The following MAP4 variants were observed in gnomAD, a reference collection of about 807,000 sequenced individuals.
The protein encoded by MAP4 is microtubule associated protein 4, also known as microtubule-associated protein 4.
Under a neutral mutation model 170.2 loss-of-function variants are expected in MAP4, and 76 were observed. The ratio of observed to expected loss-of-function variants is 0.45; its 90% CI spans 0.37 to 0.54. The LOEUF is 0.54. MAP4 is among the 20% of genes least tolerant of loss of function. The pLI, the probability that MAP4 is intolerant of heterozygous loss-of-function variation, is 0.00. For synonymous variants in MAP4, 909 were observed against 994.5 expected (o/e 0.91, Z 1.62); for missense variants, 2,506 against 2,748.0 (o/e 0.91, Z 1.97).
At chr3:47,860,005 T>G (rs1385271999) in intron 17 of MAP4, among the ~76,000 whole-genome samples, 3 of 152,120 alleles carry the variant, frequency 2.0e-5, no homozygotes, top group Non-Finnish European at 4.4e-5. Context: ...TCCAAACATC[T>G]CCCTATCCTT....
intron 3 of MAP4, among the ~76,000 whole-genome samples, chr3:47,957,739 A>G (rs1423582358): frequency 6.6e-6 from 1 of 152,216 alleles, no homozygotes; most frequent in East Asian, 1.9e-4. Flanking sequence ...TAATTAAAAT[A>G]GGGAATTGAT....
Position 47,977,944 on chromosome 3 carries a change from G to A in MAP4, c.224-11C>T. On this transcript the variant is annotated splice_polypyrimidine_tract_variant and intron_variant, in intron 2 of 20. Transcript: ENST00000683076. Reference sequence around the variant, plus strand: ...TAGAAGATGGAGTATCTGCAACAATGACAAATAATTACCCATTGTGACAGA... The same window carrying A: ...TAGAAGATGGAGTATCTGCAACAATAACAAATAATTACCCATTGTGACAGA... 1 of 1,586,708 alleles carries A rather than the reference G, an allele frequency of 6.3e-7. No individual in the cohort carries two copies. Among genetic ancestry groups the A allele is most frequent in the Non-Finnish European group, 8.7e-7 (1 of 1,155,648 alleles).
In MAP4 at chr3:47,911,729, G is replaced by A; in HGVS notation, c.2692C>T (p.Gln898Ter). The change falls in exon 9 of 21, where the codon CAA (glutamine) becomes TAA (stop). Residue 898 changes from glutamine to a stop codon, truncating the protein, a stop_gained. Coordinates refer to ENST00000683076, the MANE Select transcript of MAP4 (RefSeq NM_001385682.1). LOFTEE classifies it high-confidence loss of function. The surrounding 1 kb of genome is among the most constrained non-coding windows in gnomAD (Gnocchi z 4.0). ...LQNQDKKLLK[Q>*]HEYKPQPAPH... ...GCAGGCTGTGGTTTGTATTCATGTTGCTTCAGCAATTTCTTGTCTTGGTTT... is the reference window on the plus strand; with the variant it reads ...GCAGGCTGTGGTTTGTATTCATGTTACTTCAGCAATTTCTTGTCTTGGTTT... 1 of 1,536,112 alleles carries A rather than the reference G, an allele frequency of 6.5e-7. No homozygotes were observed. Among genetic ancestry groups the A allele is most frequent in the East Asian group, 2.4e-5 (1 of 40,922 alleles).
chr3:47,942,737 T>C (rs1409395559), intron 3 of MAP4, among the ~76,000 whole-genome samples: 3 of 152,210 alleles, frequency 2.0e-5, no homozygotes, highest in African/African-American at 7.2e-5. Flanking sequence ...AATGCTAAAA[T>C]AGTTGTGGTA....
At chr3:47,939,713 T>G (rs1292211636) in intron 3 of MAP4, among the ~76,000 whole-genome samples, 3 of 151,978 alleles carry the variant, frequency 2.0e-5, no homozygotes, top group South Asian at 2.1e-4. Context: ...GAAATAGTTT[T>G]TTTTTTTTTT....
At chr3:47,920,636 C>T (rs1167967257) in intron 5 of MAP4, among the ~76,000 whole-genome samples, 1 of 151,230 alleles carries the variant, frequency 6.6e-6, no homozygotes, top group Non-Finnish European at 1.5e-5. Flanking sequence ...AATGCAGCCT[C>T]GACCTTCTGG....
chr3:48,031,892 T>TACAC (rs139294227), intron 1 of MAP4, among the ~76,000 whole-genome samples: 58 of 147,516 alleles, frequency 3.9e-4, no homozygotes, highest in Non-Finnish European at 6.4e-4. Context: ...CACACACACA[T>TACAC]ACACACACAC....
intron 10 of MAP4, chr3:47,891,318 C>T (rs1038377900): frequency 6.5e-7 from 1 of 1,536,174 alleles, no homozygotes. Flanking sequence ...CTCTTCTTGG[C>T]CACTGGTTCC....
At chr3:47,973,251 G>C in intron 3 of MAP4, 1 of 980,578 alleles carries the variant, frequency 1.0e-6, no homozygotes, top group Non-Finnish European at 1.2e-6. Context: ...CTTCAACATT[G>C]GGCCAAAAAA....
At chr3:48,028,294 G>T (rs936582931) in intron 1 of MAP4, among the ~76,000 whole-genome samples, 2 of 151,918 alleles carry the variant, frequency 1.3e-5, no homozygotes, top group South Asian at 2.1e-4. Flanking sequence ...ACCATCTCTG[G>T]GGGGGGAGGG....
intron 1 of MAP4, among the ~76,000 whole-genome samples, chr3:48,070,101 G>A (rs983466709): frequency 2.0e-5 from 3 of 151,908 alleles, no homozygotes; most frequent in African/African-American, 7.3e-5. Flanking sequence ...AGCCTGCTGA[G>A]TAGCTGGGAC....
intron 19 of MAP4, among the ~76,000 whole-genome samples, chr3:47,854,745 AGGCCCTGCAGAGGGAGGCCCCAG>A (rs1444779138): frequency 4.1e-3 from 252 of 61,134 alleles, no homozygotes; most frequent in African/African-American, 0.031. Context: ...GGCCCCAGGC[AGGCCCTGCAGAGGGAGGCCCCAG>A]GCAGGCCCTG....
chr3:47,861,902 C>T (rs1406805463), intron 17 of MAP4, among the ~76,000 whole-genome samples: 1 of 151,636 alleles, frequency 6.6e-6, no homozygotes, highest in Non-Finnish European at 1.5e-5. Context: ...TGGCTCACAC[C>T]TGTAATCCTA....
intron 2 of MAP4, among the ~76,000 whole-genome samples, chr3:47,997,167 A>G (rs906444705): frequency 6.6e-6 from 1 of 151,914 alleles, no homozygotes; most frequent in Non-Finnish European, 1.5e-5. Flanking sequence ...GAATCCCAGG[A>G]GAAAAGAAAA....
chr3:47,933,057 C>A (rs2100050765), intron 3 of MAP4, among the ~76,000 whole-genome samples: 1 of 152,100 alleles, frequency 6.6e-6, no homozygotes, highest in South Asian at 2.1e-4. Context: ...TGCATGCCAC[C>A]ACACCTGGCT....
At chr3:48,082,208 T>C (rs560746540) in intron 1 of MAP4, among the ~76,000 whole-genome samples, 211 of 152,276 alleles carry the variant, frequency 1.4e-3, no homozygotes, top group Admixed American at 2.7e-3. Context: ...CAGAATAATA[T>C]AATCAACGCT....
At chr3:48,056,653 T>G (rs62260848) in intron 1 of MAP4, among the ~76,000 whole-genome samples, 2 of 92,392 alleles carry the variant, frequency 2.2e-5, no homozygotes, top group African/African-American at 5.0e-5. Context: ...CCGCCCTGTC[T>G]GGGAGGGAGG....
chr3:47,874,161 C>T (rs1320630811), intron 12 of MAP4, among the ~76,000 whole-genome samples: 1 of 152,190 alleles, frequency 6.6e-6, no homozygotes, highest in African/African-American at 2.4e-5. Flanking sequence ...TTTATTTCCT[C>T]ATCTGGATAA....
At chr3:47,958,818 G>A (rs2100069499) in intron 3 of MAP4, among the ~76,000 whole-genome samples, 2 of 151,850 alleles carry the variant, frequency 1.3e-5, no homozygotes, top group Non-Finnish European at 2.9e-5. Context: ...CAAGTAGCTG[G>A]GTCTATAGGC....
Sources: gnomAD v4.1 joint callset for allele counts (sites outside exome capture counted in the v4.1 genomes callset) on GRCh38, gnomAD v4.1.1 for gene constraint, Gnocchi (gnomAD v3.1) non-coding constraint, MANE v1.5 for transcripts, NCBI Gene and HGNC (gene_info 2026-07-23, HGNC 2026-07-21) for gene names.